Variants in CNTN1 observed in about 807,000 individuals in gnomAD.
The protein encoded by CNTN1 is contactin-1.
A neutral mutation model predicts 126.4 loss-of-function variants in CNTN1; 38 were observed. That is an observed-to-expected ratio of 0.30 (90% confidence interval 0.23 to 0.39). The LOEUF (loss-of-function observed/expected upper bound fraction) is 0.39. CNTN1 is among the 10% of genes least tolerant of loss of function. The probability of loss-of-function intolerance (pLI) is 1.00; values close to 1 mark genes in which losing one functional copy is unlikely to be tolerated. For synonymous variants in CNTN1, 413 were observed against 422.6 expected, an observed-to-expected ratio of 0.98 and a Z score of 0.28; for missense variants, 1,009 against 1,248.4, an observed-to-expected ratio of 0.81 and a Z score of 2.89.
chr12:40,768,857 G>A (rs1411066732), intron 1 of CNTN1, among the ~76,000 whole-genome samples: 1 of 152,108 alleles, frequency 6.6e-6, no homozygotes, highest in Admixed American at 6.5e-5. Flanking sequence ...ATTTTAAATA[G>A]TAAGTTTATT....
intron 9 of CNTN1, among the ~76,000 whole-genome samples, chr12:40,935,354 G>C (rs1946045179): frequency 6.6e-6 from 1 of 152,068 alleles, no homozygotes; most frequent in Non-Finnish European, 1.5e-5. Flanking sequence ...GTTCTCAACA[G>C]AGTAAAATTT....
chr12:40,716,569 G>A (rs571707092), intron 1 of CNTN1, among the ~76,000 whole-genome samples: 34 of 152,320 alleles, frequency 2.2e-4, no homozygotes, highest in African/African-American at 7.7e-4. Flanking sequence ...AATTACAAAT[G>A]TATCTAGAGA....
At chr12:40,806,322 A>G (rs965924837) in intron 1 of CNTN1, among the ~76,000 whole-genome samples, 1 of 152,144 alleles carries the variant, frequency 6.6e-6, no homozygotes, top group Non-Finnish European at 1.5e-5. Flanking sequence ...TGGTATTGCT[A>G]TAGAAGCCTA....
At chr12:40,807,617 G>C (rs1940908134) in intron 1 of CNTN1, among the ~76,000 whole-genome samples, 1 of 152,112 alleles carries the variant, frequency 6.6e-6, no homozygotes, top group African/African-American at 2.4e-5. Flanking sequence ...ACAGATACAG[G>C]TTAGGAGTGG....
chr12:41,022,627 A>G (rs1948945696), intron 20 of CNTN1, among the ~76,000 whole-genome samples: 1 of 152,182 alleles, frequency 6.6e-6, no homozygotes, highest in East Asian at 1.9e-4. Context: ...GAAGATGATG[A>G]TGATGTTAAT....
rs545963021 is a variant in CNTN1, at chr12:40,794,950, A to T, written c.-77+102358A>T. The stretch of plus-strand genomic sequence containing the variant: ...TTATGTGTCAATTTGGCTAGGCTAT[A>T]GTACTTACTTAACCAAACACTAATT... On this transcript the variant is annotated intron_variant, in intron 1 of 23. Coordinates refer to ENST00000551295, the MANE Select transcript of CNTN1 (RefSeq NM_001843.4). Among the ~76,000 whole-genome samples, 7 of 152,208 alleles carry T rather than the reference A, an allele frequency of 4.6e-5. No homozygotes were observed. The South Asian group carries it at 1.2e-3, about 27-fold the overall frequency.
intron 23 of CNTN1, among the ~76,000 whole-genome samples, chr12:41,032,836 G>C (rs926840847): frequency 1.3e-5 from 2 of 152,168 alleles, no homozygotes; most frequent in Non-Finnish European, 2.9e-5. Context: ...CTCCATGGGA[G>C]CAAGCTCTTG....
chr12:40,890,050 T>A (rs1944186462), intron 1 of CNTN1, among the ~76,000 whole-genome samples: 1 of 152,148 alleles, frequency 6.6e-6, no homozygotes. Context: ...AAAAAAGAAA[T>A]ACAGATACAT....
At chr12:41,006,712 G>A (rs1948501551) in intron 17 of CNTN1, among the ~76,000 whole-genome samples, 1 of 152,206 alleles carries the variant, frequency 6.6e-6, no homozygotes, top group Non-Finnish European at 1.5e-5. Context: ...ATTCCAAAAT[G>A]GGAGGGCATT....
At chr12:40,800,169 T>A (rs1011888022) in intron 1 of CNTN1, among the ~76,000 whole-genome samples, 1 of 151,904 alleles carries the variant, frequency 6.6e-6, no homozygotes, top group Non-Finnish European at 1.5e-5. Flanking sequence ...GCTGTTCTCA[T>A]GACAGTGAGT....
chr12:41,034,003 T>C (rs920693387), intron 23 of CNTN1, among the ~76,000 whole-genome samples: 1 of 151,856 alleles, frequency 6.6e-6, no homozygotes, highest in Non-Finnish European at 1.5e-5. Flanking sequence ...TGAGCTGAGA[T>C]TGAGCCACTG....
chr12:40,736,024 T>C (rs953585764), intron 1 of CNTN1, among the ~76,000 whole-genome samples: 7 of 152,040 alleles, frequency 4.6e-5, no homozygotes, highest in African/African-American at 1.7e-4. Context: ...ACCCTGCAGC[T>C]GTCTCAGAAA....
intron 14 of CNTN1, among the ~76,000 whole-genome samples, chr12:40,954,675 T>G (rs34169502): frequency 0.69 from 104,710 of 151,932 alleles, 36,737 homozygotes; most frequent in African/African-American, 0.82. Context: ...CGCTAGAAGG[T>G]ATTCACAGAA....
intron 15 of CNTN1, among the ~76,000 whole-genome samples, chr12:40,974,025 T>C (rs2137052628): frequency 6.6e-6 from 1 of 152,272 alleles, no homozygotes; most frequent in South Asian, 2.1e-4. Context: ...ATGTCTAAAT[T>C]CCTCTTCATT....
chr12:40,794,616 T>C (rs1176950727), intron 1 of CNTN1, among the ~76,000 whole-genome samples: 2 of 152,090 alleles, frequency 1.3e-5, no homozygotes, highest in African/African-American at 4.8e-5. Flanking sequence ...ATGTCTTTAT[T>C]AAAATGGAAC....
At chr12:40,854,087 T>G (rs1296114598) in intron 1 of CNTN1, among the ~76,000 whole-genome samples, 1 of 150,990 alleles carries the variant, frequency 6.6e-6, no homozygotes, top group African/African-American at 2.4e-5. Context: ...TCCTACTGTA[T>G]GCTAGGTACT....
At chr12:40,998,929 A>G (rs1163824925) in intron 17 of CNTN1, among the ~76,000 whole-genome samples, 1 of 152,184 alleles carries the variant, frequency 6.6e-6, no homozygotes, top group African/African-American at 2.4e-5. Context: ...CAAGAATTAA[A>G]GTAGTCAATA....
chr12:40,820,656 C>T (rs1337595157), intron 1 of CNTN1, among the ~76,000 whole-genome samples: 1 of 152,086 alleles, frequency 6.6e-6, no homozygotes, highest in East Asian at 1.9e-4. Context: ...CACAGCATCT[C>T]CCTCTCCAGG....
intron 1 of CNTN1, among the ~76,000 whole-genome samples, chr12:40,754,270 C>G (rs185071614): frequency 1.7e-3 from 252 of 152,170 alleles, no homozygotes; most frequent in South Asian, 4.6e-3. Flanking sequence ...ATAGTCATCC[C>G]TTGTATCTAC....
Sources: allele counts gnomAD v4.1 joint callset (sites outside exome capture counted in the v4.1 genomes callset), GRCh38; gene constraint gnomAD v4.1.1; transcripts MANE v1.5; gene names NCBI Gene and HGNC (gene_info 2026-07-23, HGNC 2026-07-21).